Variants in SLC38A9 observed in about 807,000 individuals in gnomAD.
SLC38A9 encodes solute carrier family 38 member 9.
SLC38A9 carries 48 observed loss-of-function variants against 62.3 expected under a neutral mutation model. The ratio of observed to expected loss-of-function variants is 0.77; its 90% confidence interval spans 0.61 to 0.98. The LOEUF is 0.98. SLC38A9 is among the 50% of genes least tolerant of loss of function. The probability of loss-of-function intolerance (pLI) is 0.00; values close to 1 mark genes in which losing one functional copy is unlikely to be tolerated. For synonymous variants in SLC38A9, 204 were observed against 227.7 expected, an observed-to-expected ratio of 0.90 and a Z score of 0.94; for missense variants, 541 against 679.8, an observed-to-expected ratio of 0.80 and a Z score of 2.27.
At chr5:55,650,327 C>G (rs1001938662) in intron 10 of SLC38A9, among the ~76,000 whole-genome samples, 4 of 152,048 alleles carry the variant, frequency 2.6e-5, no homozygotes, top group Non-Finnish European at 4.4e-5. Context: ...TCAGAAAATT[C>G]AGGAAGGCCT....
In SLC38A9 at chr5:55,669,569, C is replaced by T; in HGVS notation, c.420G>A (p.Trp140Ter). Reference sequence around the variant, plus strand: ...AAATTAGTATTACCTGTTTTATGCCCCAAGGAATGCTTAGTATAGATGTTC... The same window carrying T: ...AAATTAGTATTACCTGTTTTATGCCTCAAGGAATGCTTAGTATAGATGTTC... Reference protein sequence around the residue: ...MMGTSILSIPWGIKQAGFTTG... With the variant: ...MMGTSILSIP Residue 140 changes from tryptophan to a stop codon, truncating the protein, a stop_gained, in exon 6 of 16, where the codon TGG (tryptophan) becomes TGA (stop). Transcript: ENST00000396865. LOFTEE classifies it high-confidence loss of function. The T allele has an allele frequency of 6.2e-7, 1 of 1,608,142 alleles. No homozygotes were observed. The highest frequency in any genetic ancestry group is 8.5e-7 in the Non-Finnish European group (1 of 1,176,822).
chr5:55,703,184 C>T (rs572861417), intron 2 of SLC38A9, among the ~76,000 whole-genome samples: 1 of 134,118 alleles, frequency 7.5e-6, no homozygotes, highest in African/African-American at 2.7e-5. Context: ...AAGTCATGAT[C>T]CCTACCCTCA....
intron 3 of SLC38A9, among the ~76,000 whole-genome samples, chr5:55,687,968 A>G (rs1754171547): frequency 6.6e-6 from 1 of 152,156 alleles, no homozygotes; most frequent in South Asian, 2.1e-4. Context: ...AAGTGTTGGG[A>G]TTACAGGTGT....
intron 12 of SLC38A9, among the ~76,000 whole-genome samples, chr5:55,643,216 T>C (rs918622742): frequency 1.3e-5 from 2 of 152,248 alleles, no homozygotes; most frequent in African/African-American, 4.8e-5. Flanking sequence ...TTTACAGCTA[T>C]ACATTTCCCT....
rs754993535 is a variant in SLC38A9, at chr5:55,626,484, T to C, written c.*10A>G. 3 of 1,604,632 alleles carry C rather than the reference T, an allele frequency of 1.9e-6. No individual in the cohort carries two copies. In the Admixed American group the frequency reaches 5.1e-5, roughly 28 times the overall value. Reference sequence around the variant, plus strand: ...TCATGAGAGCTCTTGAAAAAAACAGTTGAGGTATTTCACATAAAAAACTGA... The same window carrying C: ...TCATGAGAGCTCTTGAAAAAAACAGCTGAGGTATTTCACATAAAAAACTGA... On this transcript the variant is annotated 3_prime_UTR_variant, in exon 16 of 16. Transcript: ENST00000396865.
intron 7 of SLC38A9, among the ~76,000 whole-genome samples, chr5:55,668,053 T>C (rs1371443821): frequency 6.6e-6 from 1 of 152,152 alleles, no homozygotes; most frequent in African/African-American, 2.4e-5. Flanking sequence ...GCACCTGTAG[T>C]CCCAGCTACC....
intron 10 of SLC38A9, among the ~76,000 whole-genome samples, chr5:55,652,038 A>AG (rs1747586167): frequency 6.6e-6 from 1 of 151,258 alleles, no homozygotes; most frequent in African/African-American, 2.4e-5. Flanking sequence ...TCCATAAAAA[A>AG]AAATAGAAAA....
chr5:55,695,326 G>A (rs1317010718), intron 3 of SLC38A9, among the ~76,000 whole-genome samples: 1 of 123,160 alleles, frequency 8.1e-6, no homozygotes, highest in East Asian at 2.2e-4. Flanking sequence ...GGGGGATTTG[G>A]CAGGGTCATA....
intron 10 of SLC38A9, among the ~76,000 whole-genome samples, chr5:55,650,715 G>T (rs2150169912): frequency 6.6e-6 from 1 of 152,282 alleles, no homozygotes; most frequent in South Asian, 2.1e-4. Flanking sequence ...CAGGCAAAGA[G>T]AAATAATTTT....
chr5:55,704,138 A>C (rs2150699246), intron 2 of SLC38A9: 1 of 152,352 alleles, frequency 6.6e-6, no homozygotes, highest in Non-Finnish European at 1.5e-5. Flanking sequence ...ACTGCAGTCC[A>C]GCCTGGGCGG....
At chr5:55,694,863 A>T (rs2150569760) in intron 3 of SLC38A9, among the ~76,000 whole-genome samples, 1 of 151,948 alleles carries the variant, frequency 6.6e-6, no homozygotes, top group East Asian at 1.9e-4. Context: ...AGTGATTATC[A>T]TGCCTCAGTC....
At chr5:55,633,108 C>G (rs974454198) in intron 14 of SLC38A9, among the ~76,000 whole-genome samples, 2 of 151,950 alleles carry the variant, frequency 1.3e-5, no homozygotes, top group African/African-American at 2.4e-5. Flanking sequence ...CTCAAACGAT[C>G]CTCCTCCTCC....
At chr5:55,686,255 C>T (rs563374918) in intron 3 of SLC38A9, among the ~76,000 whole-genome samples, 14 of 152,222 alleles carry the variant, frequency 9.2e-5, no homozygotes, top group African/African-American at 3.4e-4. Context: ...AGTGTATAAG[C>T]CTTCCTTTTT....
intron 10 of SLC38A9, among the ~76,000 whole-genome samples, chr5:55,651,384 G>A (rs1372370701): frequency 6.6e-6 from 1 of 151,416 alleles, no homozygotes; most frequent in Non-Finnish European, 1.5e-5. Flanking sequence ...CAAGTAGCTG[G>A]GATTACAGGC....
At chr5:55,631,612 T>C (rs1743464140) in intron 14 of SLC38A9, among the ~76,000 whole-genome samples, 1 of 152,232 alleles carries the variant, frequency 6.6e-6, no homozygotes, top group African/African-American at 2.4e-5. Flanking sequence ...GCTGCTGCTA[T>C]ACTTATCAGT....
At chr5:55,649,808 C>T (rs764778469) in intron 10 of SLC38A9, among the ~76,000 whole-genome samples, 3 of 151,108 alleles carry the variant, frequency 2.0e-5, no homozygotes, top group Non-Finnish European at 4.4e-5. Flanking sequence ...GGCAACAGAG[C>T]GAGACTCCAT....
chr5:55,669,967 A>AC lies in SLC38A9; in HGVS notation c.247-89dup, dbSNP rs1367268508. ...CACATCAGAACACCTGACTCTAGACACCTTTTTTTTTCTTTTGAACGGAGT... is the reference window on the plus strand; with the variant it reads ...CACATCAGAACACCTGACTCTAGACACCCTTTTTTTTTCTTTTGAACGGAGT... On this transcript the variant is annotated intron_variant, in intron 4 of 15. Coordinates refer to ENST00000396865, the MANE Select transcript of SLC38A9 (RefSeq NM_173514.4). 1.1e-5 allele frequency: 14 copies of AC among 1,285,586 alleles called. No individual in the cohort carries two copies. The East Asian group carries it at 3.4e-4, about 32-fold the overall frequency. The allele number at this position is 1,285,586 out of a possible 1,614,324, so 79.6% of individuals were successfully genotyped here.
At chr5:55,657,007 C>CCA (rs1748572885) in intron 8 of SLC38A9, among the ~76,000 whole-genome samples, 1 of 152,062 alleles carries the variant, frequency 6.6e-6, no homozygotes, top group Admixed American at 6.6e-5. Context: ...ACTACAAGCG[C>CCA]CCACCACCAC....
chr5:55,651,232 G>A (rs111615640), intron 10 of SLC38A9, among the ~76,000 whole-genome samples: 79,099 of 135,382 alleles, frequency 0.58, 24,508 homozygotes, highest in South Asian at 0.7. Flanking sequence ...TTCACTGGGG[G>A]GGTTCCTTTT....
Sources: gnomAD v4.1 joint callset for allele counts (sites outside exome capture counted in the v4.1 genomes callset) on GRCh38, gnomAD v4.1.1 for gene constraint, MANE v1.5 for transcripts, NCBI Gene and HGNC (gene_info 2026-07-23, HGNC 2026-07-21) for gene names.